The following NT5DC1 variants were observed in gnomAD, a reference collection of about 807,000 sequenced individuals.
NT5DC1 encodes 5'-nucleotidase domain-containing protein 1.
A neutral mutation model predicts 59.4 loss-of-function variants in NT5DC1; 42 were observed. That is an observed-to-expected ratio of 0.71 (90% confidence interval 0.55 to 0.92). NT5DC1 has a LOEUF of 0.92. NT5DC1 is among the 40% of genes least tolerant of loss of function. The pLI, the probability that NT5DC1 is intolerant of heterozygous loss-of-function variation, is 0.00. For missense variants in NT5DC1, 501 were observed against 537.1 expected, an observed-to-expected ratio of 0.93 and a Z score of 0.66; for synonymous variants, 172 against 188.1, an observed-to-expected ratio of 0.91 and a Z score of 0.70.
intron 6 of NT5DC1, among the ~76,000 whole-genome samples, chr6:116,183,573 A>G (rs900058080): frequency 2.0e-5 from 3 of 151,680 alleles, no homozygotes; most frequent in African/African-American, 7.3e-5. Flanking sequence ...TCTTTCAGCA[A>G]TGTTTTGTAG....
At chr6:116,198,087 G>C (rs568462601) in intron 6 of NT5DC1, among the ~76,000 whole-genome samples, 2 of 152,140 alleles carry the variant, frequency 1.3e-5, no homozygotes, top group South Asian at 4.2e-4. Context: ...AGAGATCCTG[G>C]TAAATAAAAG....
At chr6:116,122,364 G>A (rs1779156707) in intron 6 of NT5DC1, among the ~76,000 whole-genome samples, 1 of 152,144 alleles carries the variant, frequency 6.6e-6, no homozygotes, top group African/African-American at 2.4e-5. Context: ...CCCTCCCAAA[G>A]CTACCCTGTC....
chr6:116,245,292 A>G lies in NT5DC1; in HGVS notation c.*1268A>G, dbSNP rs549221009. On this transcript the variant is annotated 3_prime_UTR_variant, in exon 12 of 12. Coordinates refer to ENST00000319550, the MANE Select transcript of NT5DC1 (RefSeq NM_152729.3). ...TATCATGGGCAGTATTAGAAAACAC[A>G]CTGGTTTTCACTATCTGGTTTACAA... The G allele has an allele frequency of 7.2e-5, 11 of 152,632 alleles. No homozygotes were observed. The South Asian group carries it at 2.3e-3, about 32-fold the overall frequency. 9.5% of individuals were successfully genotyped at this position (152,632 alleles called of 1,614,324 possible).
intron 6 of NT5DC1, among the ~76,000 whole-genome samples, chr6:116,153,997 G>A: frequency 6.7e-6 from 1 of 150,280 alleles, no homozygotes; most frequent in Non-Finnish European, 1.5e-5. Flanking sequence ...TTTGAAAATA[G>A]AATGTACAAT....
chr6:116,174,342 G>A (rs368783570), intron 6 of NT5DC1, among the ~76,000 whole-genome samples: 33 of 152,262 alleles, frequency 2.2e-4, no homozygotes, highest in African/African-American at 7.2e-4. Context: ...GAAATCTTCC[G>A]TAAGAAATAT....
chr6:116,184,331 G>A (rs1780947336), intron 6 of NT5DC1, among the ~76,000 whole-genome samples: 1 of 152,022 alleles, frequency 6.6e-6, no homozygotes, highest in Admixed American at 6.6e-5. Flanking sequence ...TTGCATTTAT[G>A]TTCATCAGGG....
At chr6:116,182,762 G>A (rs1780915547) in intron 6 of NT5DC1, among the ~76,000 whole-genome samples, 1 of 151,902 alleles carries the variant, frequency 6.6e-6, no homozygotes, top group African/African-American at 2.4e-5. Flanking sequence ...ATATGTTTGA[G>A]TTCCTTGTAG....
intron 10 of NT5DC1, 91 bp downstream of exon 10, chr6:116,238,439 C>A: frequency 1.5e-6 from 1 of 672,510 alleles, no homozygotes; most frequent in Non-Finnish European, 2.1e-6. Flanking sequence ...CAAAATTGTC[C>A]TGGTCAGGCT....
At chr6:116,231,576 G>T (rs1782021903) in intron 8 of NT5DC1, among the ~76,000 whole-genome samples, 1 of 152,168 alleles carries the variant, frequency 6.6e-6, no homozygotes, top group African/African-American at 2.4e-5. Flanking sequence ...GACTAAAACA[G>T]TCTGTGAAAT....
intron 6 of NT5DC1, among the ~76,000 whole-genome samples, chr6:116,200,930 A>C (rs1321485290): frequency 6.6e-6 from 1 of 152,130 alleles, no homozygotes; most frequent in Non-Finnish European, 1.5e-5. Flanking sequence ...ACAACTTACC[A>C]GTGCTTTTTT....
rs199827970 is a variant in NT5DC1 at position 116,135,834 on chromosome 6, GATATATATAT to G, written c.529+17919_529+17928del. On this transcript the variant is annotated intron_variant, in intron 6 of 11. Transcript: ENST00000319550. ...ATTTATGGTATACAATATATTTTCA[GATATATATAT>G]ATATATATATATATATATATATATA... Among the ~76,000 whole-genome samples the G allele has an allele frequency of 5.6e-3, 570 of 102,352 alleles. 10 individuals carry two copies. In the South Asian group the frequency reaches 0.065, roughly 12 times the overall value. The allele number at this position is 102,352 out of a possible 152,430, so 67.1% of individuals were successfully genotyped here.
At chr6:116,177,202 C>T (rs1299685744) in intron 6 of NT5DC1, among the ~76,000 whole-genome samples, 1 of 152,166 alleles carries the variant, frequency 6.6e-6, no homozygotes, top group Non-Finnish European at 1.5e-5. Flanking sequence ...ATTCTCAATA[C>T]AAATAATTAA....
At chr6:116,179,879 C>G (rs1484281287) in intron 6 of NT5DC1, among the ~76,000 whole-genome samples, 2 of 152,128 alleles carry the variant, frequency 1.3e-5, no homozygotes, top group Non-Finnish European at 2.9e-5. Context: ...GAAAATCACT[C>G]TCATCCTAAA....
chr6:116,185,100 A>G (rs1780967885), intron 6 of NT5DC1, among the ~76,000 whole-genome samples: 1 of 152,046 alleles, frequency 6.6e-6, no homozygotes, highest in Non-Finnish European at 1.5e-5. Context: ...TTAAATTTCC[A>G]TCTTGAGTTC....
intron 6 of NT5DC1, among the ~76,000 whole-genome samples, chr6:116,123,026 G>T (rs763550958): frequency 2.0e-5 from 3 of 152,122 alleles, no homozygotes; most frequent in Non-Finnish European, 4.4e-5. Flanking sequence ...TTGATATATT[G>T]CAAATAGAGG....
chr6:116,120,482 C>T (rs745338777), intron 6 of NT5DC1: 1 of 1,614,202 alleles, frequency 6.2e-7, no homozygotes, highest in Non-Finnish European at 8.5e-7. Context: ...TCCTGTTACC[C>T]CCTGGTTGGC....
At chr6:116,121,606 C>G (rs1221370681) in intron 6 of NT5DC1, 1 of 1,613,698 alleles carries the variant, frequency 6.2e-7, no homozygotes, top group African/African-American at 1.3e-5. Context: ...CAGGAAAGCC[C>G]CTGGGTCCTG....
At chr6:116,229,955 C>T (rs1298432423) in intron 8 of NT5DC1, among the ~76,000 whole-genome samples, 2 of 152,210 alleles carry the variant, frequency 1.3e-5, no homozygotes, top group East Asian at 1.9e-4. Context: ...TTGAGATTCT[C>T]CTTCCGCCTA....
chr6:116,203,073 G>T (rs537345154), intron 6 of NT5DC1, among the ~76,000 whole-genome samples: 1 of 151,878 alleles, frequency 6.6e-6, no homozygotes, highest in South Asian at 2.1e-4. Context: ...CATTTTTATG[G>T]TAGGACACAG....
Sources: allele counts gnomAD v4.1 joint callset (sites outside exome capture counted in the v4.1 genomes callset), GRCh38; gene constraint gnomAD v4.1.1; transcripts MANE v1.5; gene names NCBI Gene and HGNC (gene_info 2026-07-23, HGNC 2026-07-21).